The following TMEM132D variants were observed in gnomAD, a reference collection of about 807,000 sequenced individuals.
The protein encoded by TMEM132D is mature OL transmembrane protein.
A neutral mutation model predicts 62.3 loss-of-function variants in TMEM132D; 21 were observed. That is an observed-to-expected ratio of 0.34 (90% CI 0.24 to 0.49). The LOEUF (loss-of-function observed/expected upper bound fraction) is 0.49, where lower values mean the gene tolerates loss of function less well. Ranked by LOEUF, TMEM132D falls within the 20% of genes least tolerant of loss-of-function variation. TMEM132D has a pLI of 0.99. For missense variants in TMEM132D, 1,346 were observed against 1,402.8 expected (o/e 0.96, Z 0.65); for synonymous variants, 621 against 575.6 (o/e 1.08, Z -1.13).
Position 129,289,372 on chromosome 12 carries a change from C to T in TMEM132D, c.1299+48262G>A, listed in dbSNP as rs142447291. Among the ~76,000 whole-genome samples, 657 of 151,514 alleles carry T rather than the reference C, an allele frequency of 4.3e-3. 7 individuals are homozygous for T. Among genetic ancestry groups the T allele is most frequent in the African/African-American group, 0.015 (612 of 41,336 alleles). On this transcript the variant is annotated intron_variant, in intron 4 of 8. Coordinates refer to ENST00000422113, the MANE Select transcript of TMEM132D (RefSeq NM_133448.3). ...CAGCCTGGCCAACGTGGTGAAACTCCGTCTCTACTAAAAATACAAAAATTA... is the reference window on the plus strand; with the variant it reads ...CAGCCTGGCCAACGTGGTGAAACTCTGTCTCTACTAAAAATACAAAAATTA...
chr12:129,225,756 A>C (rs1879465803), intron 4 of TMEM132D, among the ~76,000 whole-genome samples: 1 of 152,158 alleles, frequency 6.6e-6, no homozygotes, highest in African/African-American at 2.4e-5. Flanking sequence ...GGAAAAAGCA[A>C]GAGAGAGAGG....
At chr12:129,401,132 C>T (rs752113863) in intron 3 of TMEM132D, among the ~76,000 whole-genome samples, 7 of 152,184 alleles carry the variant, frequency 4.6e-5, no homozygotes, top group Non-Finnish European at 8.8e-5. Flanking sequence ...ATGTCATTCT[C>T]AAACTGCCAT....
At chr12:129,477,426 G>A (rs1262293772) in intron 3 of TMEM132D, among the ~76,000 whole-genome samples, 1 of 152,156 alleles carries the variant, frequency 6.6e-6, no homozygotes, top group Non-Finnish European at 1.5e-5. Flanking sequence ...TTGTTAAAGT[G>A]TCCCTTTTGC....
At chr12:129,241,807 A>G (rs889602726) in intron 4 of TMEM132D, among the ~76,000 whole-genome samples, 15 of 152,232 alleles carry the variant, frequency 9.9e-5, no homozygotes, top group African/African-American at 3.6e-4. Context: ...ATAACAAAAC[A>G]GTAGTCTTCA....
chr12:129,441,810 A>G (rs1872943667), intron 3 of TMEM132D, among the ~76,000 whole-genome samples: 1 of 152,216 alleles, frequency 6.6e-6, no homozygotes, highest in Non-Finnish European at 1.5e-5. Flanking sequence ...CAGTGATAAA[A>G]AAATAATGAA....
intron 3 of TMEM132D, among the ~76,000 whole-genome samples, chr12:129,434,649 TA>T (rs1872742760): frequency 1.3e-5 from 2 of 149,526 alleles, no homozygotes; most frequent in African/African-American, 2.4e-5. Context: ...CAGACATTTT[TA>T]AAGTTGTAGT....
intron 3 of TMEM132D, among the ~76,000 whole-genome samples, chr12:129,482,299 G>A (rs1874452066): frequency 6.6e-6 from 1 of 152,158 alleles, no homozygotes; most frequent in African/African-American, 2.4e-5. Context: ...AATTAACTGT[G>A]GTACATACAT....
At chr12:129,207,484 G>A (rs961586118) in intron 5 of TMEM132D, among the ~76,000 whole-genome samples, 1 of 152,216 alleles carries the variant, frequency 6.6e-6, no homozygotes, top group African/African-American at 2.4e-5. Context: ...TGTCTGTGAA[G>A]ATTTTGCTGA....
At chr12:129,313,828 C>T (rs781039665) in intron 4 of TMEM132D, among the ~76,000 whole-genome samples, 8 of 152,072 alleles carry the variant, frequency 5.3e-5, no homozygotes, top group Non-Finnish European at 1.0e-4. Context: ...TTCCCATTAG[C>T]GGTGTAGAAG....
intron 3 of TMEM132D, among the ~76,000 whole-genome samples, chr12:129,360,893 A>T (rs1870227317): frequency 6.6e-6 from 1 of 152,150 alleles, no homozygotes; most frequent in Admixed American, 6.5e-5. Context: ...GTCGCGACAC[A>T]TAACTCCTCC....
intron 1 of TMEM132D, among the ~76,000 whole-genome samples, chr12:129,712,415 C>T (rs1048063191): frequency 2.6e-5 from 4 of 152,174 alleles, no homozygotes; most frequent in Non-Finnish European, 4.4e-5. Context: ...TGAGCCACTG[C>T]AACCGATCTT....
chr12:129,265,636 G>A (rs1213760750), intron 4 of TMEM132D, among the ~76,000 whole-genome samples: 1 of 151,926 alleles, frequency 6.6e-6, no homozygotes, highest in Non-Finnish European at 1.5e-5. Context: ...CTCCCCTCAT[G>A]TCTTTCAACT....
At chr12:129,224,483 G>A (rs774300913) in intron 4 of TMEM132D, among the ~76,000 whole-genome samples, 6 of 152,252 alleles carry the variant, frequency 3.9e-5, no homozygotes, top group East Asian at 3.9e-4. Flanking sequence ...CAGCAAGTAC[G>A]GACTCCACTG....
intron 4 of TMEM132D, among the ~76,000 whole-genome samples, chr12:129,322,553 G>C (rs1401497843): frequency 6.9e-6 from 1 of 144,704 alleles, no homozygotes; most frequent in Non-Finnish European, 1.5e-5. Context: ...TGGTTGAATT[G>C]CATGTTTATT....
At chr12:129,317,787 G>C (rs1394545014) in intron 4 of TMEM132D, among the ~76,000 whole-genome samples, 3 of 152,046 alleles carry the variant, frequency 2.0e-5, no homozygotes, top group Non-Finnish European at 4.4e-5. Flanking sequence ...ATTATTCTTA[G>C]GTTTAGTCAT....
intron 4 of TMEM132D, among the ~76,000 whole-genome samples, chr12:129,256,747 G>T (rs772515318): frequency 2.0e-5 from 3 of 152,170 alleles, no homozygotes; most frequent in Non-Finnish European, 2.9e-5. Context: ...AGTAGAGACG[G>T]GGTTTCACTG....
At chr12:129,151,879 CCT>C (rs1491248142) in intron 5 of TMEM132D, among the ~76,000 whole-genome samples, 1 of 127,014 alleles carries the variant, frequency 7.9e-6, no homozygotes, top group Admixed American at 8.0e-5. Context: ...CGTGATTCAA[CCT>C]TTTTTTTTTT....
chr12:129,179,889 G>A (rs577611673), intron 5 of TMEM132D, among the ~76,000 whole-genome samples: 3 of 152,148 alleles, frequency 2.0e-5, no homozygotes, highest in South Asian at 4.2e-4. Context: ...TTAGCCAGGC[G>A]TGGTGGCTGG....
chr12:129,240,546 A>G (rs1032062573), intron 4 of TMEM132D, among the ~76,000 whole-genome samples: 2 of 152,256 alleles, frequency 1.3e-5, no homozygotes, highest in Non-Finnish European at 2.9e-5. Context: ...ATATAAAGGA[A>G]GAATGAAGAA....
Sources: allele counts gnomAD v4.1 joint callset (sites outside exome capture counted in the v4.1 genomes callset), GRCh38; gene constraint gnomAD v4.1.1; transcripts MANE v1.5; gene names NCBI Gene and HGNC (gene_info 2026-07-23, HGNC 2026-07-21).